Variants in RABGAP1L observed in about 807,000 individuals in gnomAD.
RABGAP1L encodes the protein RAB GTPase activating protein 1 like.
In RABGAP1L, 63 loss-of-function variants were observed where a neutral mutation model predicts 137.7. The ratio of observed to expected loss-of-function variants is 0.46; its 90% CI spans 0.37 to 0.56. The LOEUF is 0.56. Among genes scored for constraint, RABGAP1L ranks in the 20% least tolerant of loss-of-function variants. RABGAP1L has a pLI of 0.00. For missense variants in RABGAP1L, 1,095 were observed against 1,244.0 expected, an observed-to-expected ratio of 0.88 and a Z score of 1.80; for synonymous variants, 431 against 433.7, an observed-to-expected ratio of 0.99 and a Z score of 0.08.
At chr1:174,747,508 C>A (rs1362477306) in intron 17 of RABGAP1L, among the ~76,000 whole-genome samples, 2 of 151,102 alleles carry the variant, frequency 1.3e-5, no homozygotes, top group African/African-American at 4.9e-5. Context: ...TCTAGCCACT[C>A]TGTTCTACTT....
intron 18 of RABGAP1L, among the ~76,000 whole-genome samples, chr1:174,791,078 C>G (rs1210642821): frequency 6.6e-6 from 1 of 151,620 alleles, no homozygotes; most frequent in Non-Finnish European, 1.5e-5. Context: ...GTAATCTCAG[C>G]TACTTGGGAG....
At chr1:174,626,098 A>G (rs1038073854) in intron 13 of RABGAP1L, among the ~76,000 whole-genome samples, 1 of 152,232 alleles carries the variant, frequency 6.6e-6, no homozygotes, top group African/African-American at 2.4e-5. Flanking sequence ...TGTTGATATT[A>G]ATTCCAAAAA....
chr1:174,610,425 T>C (rs547878172), intron 13 of RABGAP1L, among the ~76,000 whole-genome samples: 277 of 152,002 alleles, frequency 1.8e-3, no homozygotes, highest in African/African-American at 6.1e-3. Flanking sequence ...ATGGTGTATA[T>C]GTGCCACATT....
At chr1:174,746,225 C>T (rs867072461) in intron 17 of RABGAP1L, among the ~76,000 whole-genome samples, 1 of 152,368 alleles carries the variant, frequency 6.6e-6, no homozygotes, top group Middle Eastern at 3.4e-3. Context: ...CCAAGAACAT[C>T]ATGATCTGCA....
chr1:174,588,598 A>G (rs1250180311), intron 13 of RABGAP1L, among the ~76,000 whole-genome samples: 1 of 152,120 alleles, frequency 6.6e-6, no homozygotes, highest in Non-Finnish European at 1.5e-5. Context: ...CTTTGCCCCC[A>G]CTACTCCCGC....
intron 1 of RABGAP1L, among the ~76,000 whole-genome samples, chr1:174,160,216 C>G (rs543023302): frequency 3.9e-4 from 60 of 152,284 alleles, no homozygotes; most frequent in African/African-American, 1.3e-3. Context: ...CAGATCCCTA[C>G]CTGTAGGGAA....
intron 11 of RABGAP1L, among the ~76,000 whole-genome samples, chr1:174,338,555 A>G (rs1424957986): frequency 6.6e-6 from 1 of 151,102 alleles, no homozygotes; most frequent in East Asian, 1.9e-4. Flanking sequence ...TTTTTTTTTA[A>G]GTGGTACTAT....
At chr1:174,401,721 A>G (rs1359374978) in intron 13 of RABGAP1L, among the ~76,000 whole-genome samples, 1 of 152,134 alleles carries the variant, frequency 6.6e-6, no homozygotes, top group Admixed American at 6.6e-5. Flanking sequence ...CCTATACCCT[A>G]TCCTTGAGGA....
chr1:174,479,862 C>G (rs1444673750), intron 13 of RABGAP1L, among the ~76,000 whole-genome samples: 3 of 152,132 alleles, frequency 2.0e-5, no homozygotes, highest in African/African-American at 4.8e-5. Flanking sequence ...ATTGATTCTA[C>G]TCTTGGATTC....
intron 13 of RABGAP1L, among the ~76,000 whole-genome samples, chr1:174,467,279 T>C (rs1390995373): frequency 1.3e-5 from 2 of 152,168 alleles, no homozygotes; most frequent in Non-Finnish European, 2.9e-5. Context: ...TATTGAAAGC[T>C]TAAAATTTGT....
intron 24 of RABGAP1L, among the ~76,000 whole-genome samples, chr1:174,987,024 T>A (rs964863239): frequency 1.3e-5 from 2 of 152,228 alleles, no homozygotes; most frequent in African/African-American, 4.8e-5. Flanking sequence ...TGACAAGTTT[T>A]GTTTTTACAT....
intron 14 of RABGAP1L, among the ~76,000 whole-genome samples, chr1:174,644,453 C>G (rs1046475196): frequency 5.9e-5 from 9 of 151,814 alleles, no homozygotes; most frequent in South Asian, 2.1e-4. Flanking sequence ...TGGTGTGACG[C>G]CTAAGGGTTT....
chr1:174,838,853 G>A (rs1693041845), intron 19 of RABGAP1L, among the ~76,000 whole-genome samples: 1 of 138,084 alleles, frequency 7.2e-6, no homozygotes, highest in Non-Finnish European at 1.5e-5. Flanking sequence ...GGGAGGCGGA[G>A]CTTGTAGTGA....
intron 10 of RABGAP1L, among the ~76,000 whole-genome samples, chr1:174,279,290 A>G (rs918496943): frequency 6.6e-6 from 1 of 152,184 alleles, no homozygotes; most frequent in Non-Finnish European, 1.5e-5. Context: ...GATATCCTCA[A>G]ATTAGGCAGT....
At chr1:174,613,175 C>G (rs1429717553) in intron 13 of RABGAP1L, among the ~76,000 whole-genome samples, 1 of 150,810 alleles carries the variant, frequency 6.6e-6, no homozygotes, top group Non-Finnish European at 1.5e-5. Context: ...ATCTTTCCTG[C>G]TTTCTCTTGT....
chr1:174,879,765 A>C (rs567529185), intron 19 of RABGAP1L, among the ~76,000 whole-genome samples: 1 of 152,310 alleles, frequency 6.6e-6, no homozygotes, highest in Non-Finnish European at 1.5e-5. Flanking sequence ...AAAAAGCAAA[A>C]CAGATATAAA....
chr1:174,283,983 G>C (rs1420955556), intron 10 of RABGAP1L, among the ~76,000 whole-genome samples: 1 of 151,892 alleles, frequency 6.6e-6, no homozygotes, highest in Non-Finnish European at 1.5e-5. Context: ...TTCATCTCAG[G>C]GTATAATTGA....
intron 13 of RABGAP1L, among the ~76,000 whole-genome samples, chr1:174,614,772 C>T (rs1183501493): frequency 1.3e-5 from 2 of 152,148 alleles, no homozygotes; most frequent in African/African-American, 4.8e-5. Flanking sequence ...AGGCTTTGCT[C>T]ATTTCTTTTT....
intron 13 of RABGAP1L, among the ~76,000 whole-genome samples, chr1:174,613,833 A>G (rs1671512326): frequency 6.6e-6 from 1 of 151,758 alleles, no homozygotes; most frequent in Admixed American, 6.6e-5. Flanking sequence ...GTCTCTTTTG[A>G]TCTTTGTTGG....
Sources: allele counts gnomAD v4.1 joint callset (sites outside exome capture counted in the v4.1 genomes callset), GRCh38; gene constraint gnomAD v4.1.1; transcripts MANE v1.5; gene names NCBI Gene and HGNC (gene_info 2026-07-23, HGNC 2026-07-21).